The following ATRNL1 variants were observed in gnomAD, a reference collection of about 807,000 sequenced individuals.
ATRNL1 encodes the protein attractin like 1.
In ATRNL1, 95 loss-of-function variants were observed where a neutral mutation model predicts 182.7. That is an observed-to-expected ratio of 0.52 (90% CI 0.44 to 0.62). The LOEUF (loss-of-function observed/expected upper bound fraction) is 0.62. Ranked by LOEUF, ATRNL1 falls within the 20% of genes least tolerant of loss-of-function variation. ATRNL1 has a pLI of 0.00. For missense variants in ATRNL1, 1,471 were observed against 1,679.5 expected (o/e 0.88, Z 2.17); for synonymous variants, 576 against 568.3 (o/e 1.01, Z -0.19).
chr10:115,658,954 G>A (rs1426856534), intron 26 of ATRNL1, among the ~76,000 whole-genome samples: 3 of 152,186 alleles, frequency 2.0e-5, no homozygotes, highest in African/African-American at 7.2e-5. Flanking sequence ...AGAAGAATGA[G>A]AGCTGGGCCA....
chr10:115,896,673 G>A (rs1555112602), intron 28 of ATRNL1, among the ~76,000 whole-genome samples: 1 of 151,972 alleles, frequency 6.6e-6, no homozygotes, highest in Non-Finnish European at 1.5e-5. Context: ...TACAGAAATA[G>A]ATTCAAATAT....
chr10:115,639,899 C>T (rs998303667), intron 26 of ATRNL1, among the ~76,000 whole-genome samples: 1 of 151,730 alleles, frequency 6.6e-6, no homozygotes, highest in East Asian at 1.9e-4. Flanking sequence ...TGGTTTGTTG[C>T]GCCCATCAAC....
At chr10:115,195,765 A>G (rs1554890886) in intron 8 of ATRNL1, among the ~76,000 whole-genome samples, 1 of 152,086 alleles carries the variant, frequency 6.6e-6, no homozygotes, top group Non-Finnish European at 1.5e-5. Context: ...CTTTAGGATA[A>G]CTTTTCATCT....
chr10:115,609,259 C>T (rs11197352), intron 26 of ATRNL1, among the ~76,000 whole-genome samples: 1,650 of 152,144 alleles, frequency 0.011, 29 homozygotes, highest in African/African-American at 0.037. Context: ...CCGCACCCTG[C>T]TGACATGATG....
chr10:115,209,437 T>C (rs1182422685), intron 8 of ATRNL1, among the ~76,000 whole-genome samples: 1 of 149,562 alleles, frequency 6.7e-6, no homozygotes, highest in Admixed American at 6.7e-5. Context: ...TTTTTTTTTC[T>C]GGTTTCTGAG....
At chr10:115,754,632 G>C (rs1555071479) in intron 27 of ATRNL1, among the ~76,000 whole-genome samples, 1 of 152,120 alleles carries the variant, frequency 6.6e-6, no homozygotes, top group Non-Finnish European at 1.5e-5. Flanking sequence ...TTTTTGACTA[G>C]GATTGTCTTG....
At chr10:115,278,459 C>T (rs781939764) in intron 13 of ATRNL1, among the ~76,000 whole-genome samples, 10 of 152,170 alleles carry the variant, frequency 6.6e-5, no homozygotes, top group Non-Finnish European at 1.0e-4. Context: ...AAGGAAGTGA[C>T]GTTTAGGAAC....
intron 24 of ATRNL1, among the ~76,000 whole-genome samples, chr10:115,507,556 T>G (rs1592757452): frequency 6.6e-6 from 1 of 152,204 alleles, no homozygotes; most frequent in South Asian, 2.1e-4. Flanking sequence ...CTGATTTTCA[T>G]TTCAGCTTCA....
chr10:115,866,424 C>G (rs1951441370), intron 28 of ATRNL1, among the ~76,000 whole-genome samples: 1 of 152,218 alleles, frequency 6.6e-6, no homozygotes, highest in Non-Finnish European at 1.5e-5. Flanking sequence ...TACTGTGATT[C>G]AGTCACTATC....
chr10:115,835,815 C>T (rs4751569), intron 27 of ATRNL1, among the ~76,000 whole-genome samples: 70,494 of 152,032 alleles, frequency 0.46, 18,151 homozygotes, highest in East Asian at 0.76. Context: ...CATGCCCCCT[C>T]GCTGAGGACA....
intron 19 of ATRNL1, among the ~76,000 whole-genome samples, chr10:115,374,178 ATCT>A (rs1432133377): frequency 1.3e-5 from 2 of 151,738 alleles, no homozygotes; most frequent in Non-Finnish European, 3.0e-5. Flanking sequence ...TAGTCTCATA[ATCT>A]TCTATGATAT....
intron 26 of ATRNL1, among the ~76,000 whole-genome samples, chr10:115,630,866 ACACACACATT>A (rs1858457576): frequency 1.4e-5 from 2 of 140,396 alleles, no homozygotes; most frequent in South Asian, 4.6e-4. Flanking sequence ...ACACACACAC[ACACACACATT>A]GGAATTTTTT....
At chr10:115,941,579 T>G (rs1018532329) in intron 28 of ATRNL1, among the ~76,000 whole-genome samples, 1 of 152,246 alleles carries the variant, frequency 6.6e-6, no homozygotes, top group Non-Finnish European at 1.5e-5. Flanking sequence ...TGATTTCATA[T>G]TTGGATGTTG....
At chr10:115,267,979 T>C (rs1453323587) in intron 12 of ATRNL1, among the ~76,000 whole-genome samples, 3 of 152,086 alleles carry the variant, frequency 2.0e-5, no homozygotes, top group Non-Finnish European at 2.9e-5. Flanking sequence ...CAGGCTTGTC[T>C]TGAACTCCTG....
intron 25 of ATRNL1, among the ~76,000 whole-genome samples, chr10:115,539,422 A>G (rs562829571): frequency 3.3e-5 from 5 of 152,348 alleles, no homozygotes; most frequent in Admixed American, 6.5e-5. Context: ...GCTATTTGGT[A>G]TATGATATCA....
At chr10:115,871,245 C>A (rs1172585511) in intron 28 of ATRNL1, among the ~76,000 whole-genome samples, 5 of 151,910 alleles carry the variant, frequency 3.3e-5, no homozygotes, top group Admixed American at 3.3e-4. Context: ...TTCCCCTTTA[C>A]ACTAAGGCAT....
At chr10:115,881,794 G>A (rs560632689) in intron 28 of ATRNL1, among the ~76,000 whole-genome samples, 8 of 152,246 alleles carry the variant, frequency 5.3e-5, no homozygotes, top group Non-Finnish European at 1.0e-4. Flanking sequence ...ACCCAGGTCT[G>A]TCTGCTTCTA....
intron 26 of ATRNL1, among the ~76,000 whole-genome samples, chr10:115,711,206 T>G (rs10885783): frequency 0.38 from 57,483 of 151,986 alleles, 11,801 homozygotes; most frequent in East Asian, 0.65. Flanking sequence ...ACCAAATTAT[T>G]TTGCTAATTC....
chr10:115,347,844 T>C (rs1554940243), intron 19 of ATRNL1, among the ~76,000 whole-genome samples: 1 of 152,182 alleles, frequency 6.6e-6, no homozygotes, highest in East Asian at 1.9e-4. Flanking sequence ...ATACTATATA[T>C]ATATGTATAT....
Sources: gnomAD v4.1 joint callset for allele counts (sites outside exome capture counted in the v4.1 genomes callset) on GRCh38, gnomAD v4.1.1 for gene constraint, MANE v1.5 for transcripts, NCBI Gene and HGNC (gene_info 2026-07-23, HGNC 2026-07-21) for gene names.